Variants in GSPT1 observed in about 807,000 individuals in gnomAD.
GSPT1 encodes the protein G1 to S phase transition 1.
GSPT1 carries 20 observed loss-of-function variants against 72.5 expected under a neutral mutation model. The ratio of observed to expected loss-of-function variants is 0.28; its 90% CI spans 0.19 to 0.40. GSPT1 has a LOEUF of 0.40. GSPT1 is among the 10% of genes least tolerant of loss of function. The pLI is 1.00. For synonymous variants in GSPT1, 334 were observed against 293.5 expected, an observed-to-expected ratio of 1.14 and a Z score of -1.41; for missense variants, 580 against 811.9, an observed-to-expected ratio of 0.71 and a Z score of 3.47.
intron 1 of GSPT1, among the ~76,000 whole-genome samples, chr16:11,905,037 C>T (rs2054471600): frequency 6.6e-6 from 1 of 152,230 alleles, no homozygotes; most frequent in African/African-American, 2.4e-5. Flanking sequence ...CACTGCACTC[C>T]AGCCTGGGTG....
Position 11,877,878 on chromosome 16 carries a change from C to A in GSPT1, c.1429-298G>T, listed in dbSNP as rs569892933. On this transcript the variant is annotated intron_variant, in intron 11 of 14. Coordinates refer to ENST00000434724, the MANE Select transcript of GSPT1 (RefSeq NM_002094.4). The surrounding 1 kb of genome is among the most constrained non-coding windows in gnomAD (Gnocchi z 4.0). ...TTTTACCTTTTCAAAATCGAAAACA[C>A]AATTTAATATTTGGATTTCAGTTTT... Among the ~76,000 whole-genome samples, 3 of 152,218 alleles carry A rather than the reference C, an allele frequency of 2.0e-5. No homozygotes were observed. Among genetic ancestry groups the A allele is most frequent in the Non-Finnish European group, 4.4e-5 (3 of 68,032 alleles).
chr16:11,914,274 A>T (rs1056528590), intron 1 of GSPT1, among the ~76,000 whole-genome samples: 2 of 152,176 alleles, frequency 1.3e-5, no homozygotes, highest in African/African-American at 2.4e-5. Context: ...ATTCCCACAA[A>T]ATCAGTACCT....
chr16:11,915,424 TG>T lies in GSPT1; in HGVS notation c.296del (p.Pro99GlnfsTer48). 3.3e-6 allele frequency: 5 copies of T among 1,507,412 alleles called. No individual in the cohort carries two copies. The highest frequency in any genetic ancestry group is 2.1e-5 in the Admixed American group (1 of 46,556). The allele number at this position is 1,507,412 out of a possible 1,614,324, so 93.4% of individuals were successfully genotyped here. A position where few individuals can be genotyped will look rare whatever the true frequency, so the allele number is the denominator to read the frequency against. ...CGTGGTTATTGGCGGCGCCGCCAAC[TG>T]GGGGTGGCGGCGCTGCCGGGCCCCG... Reference protein sequence around the residue: ...FLRGPAAPPPPVGGAANNHGA... With the variant: ...FLRGPAAPPPXVGGAANNHGA... On this transcript the variant is annotated frameshift_variant, in exon 1 of 15. Transcript: ENST00000434724. LOFTEE classifies it high-confidence loss of function.
intron 1 of GSPT1, among the ~76,000 whole-genome samples, chr16:11,913,380 G>A (rs992011566): frequency 6.6e-6 from 1 of 152,204 alleles, no homozygotes; most frequent in Non-Finnish European, 1.5e-5. Flanking sequence ...AAACAAGAAA[G>A]TTGACCATGC....
rs1447068046 is a variant in GSPT1 at position 11,895,120 on chromosome 16, ACC to A, written c.665-135_665-134del. 4.9e-6 allele frequency: 3 copies of A among 613,948 alleles called. No individual in the cohort carries two copies. In the Admixed American group the frequency reaches 8.0e-5, roughly 16 times the overall value. 38.0% of individuals were successfully genotyped at this position (613,948 alleles called of 1,614,324 possible). ...TTTGGGGCATAAATCCTAGTTCATT[ACC>A]CTTCTCCTTTTGAAAATGAGCCTCA... On this transcript the variant is annotated intron_variant, in intron 4 of 14. Coordinates refer to ENST00000434724, the MANE Select transcript of GSPT1 (RefSeq NM_002094.4).
At chr16:11,900,393 C>A (rs1246456308) in intron 1 of GSPT1, among the ~76,000 whole-genome samples, 1 of 151,012 alleles carries the variant, frequency 6.6e-6, no homozygotes, top group Non-Finnish European at 1.5e-5. Flanking sequence ...TATTATGGGC[C>A]AGACAAGGAT....
At chr16:11,876,028 G>T in intron 13 of GSPT1, 58 bp downstream of exon 13, 1 of 1,455,780 alleles carries the variant, frequency 6.9e-7, no homozygotes, top group Non-Finnish European at 9.6e-7. Flanking sequence ...TTGCTGATTA[G>T]AAATTATGAA....
Position 11,886,544 on chromosome 16 carries a change from T to C in GSPT1, c.1180A>G (p.Ile394Val). 6.2e-7 allele frequency: 1 copy of C among 1,612,998 alleles called. No individual in the cohort carries two copies. The highest frequency in any genetic ancestry group is 8.5e-7 in the Non-Finnish European group (1 of 1,178,992). The change falls in exon 9 of 15, where the codon ATT becomes GTT. Residue 394 changes from isoleucine to valine, a missense_variant. Physicochemically the swap from Ile to Val is conservative, Grantham distance 29. Around this residue, in one of 6 missense-constraint regions of GSPT1, gnomAD observed 34 missense variants for 62.0 expected, o/e 0.55. Coordinates refer to ENST00000434724, the MANE Select transcript of GSPT1 (RefSeq NM_002094.4). ...KKVGFNPKKDIHFMPCSGLTG... is the reference protein window; with the variant it reads ...KKVGFNPKKDVHFMPCSGLTG... ...AGTCCTGAGCAGGGCATAAAGTGAATGTCCTTTTTGGGATTGAAGCCAACT... is the reference window on the plus strand; with the variant it reads ...AGTCCTGAGCAGGGCATAAAGTGAACGTCCTTTTTGGGATTGAAGCCAACT...
chr16:11,881,147 C>T (rs1379358455), intron 11 of GSPT1: 1 of 152,376 alleles, frequency 6.6e-6, no homozygotes, highest in African/African-American at 2.4e-5. Context: ...ATCCACCCAC[C>T]TTGGCCTCCC....
intron 6 of GSPT1, among the ~76,000 whole-genome samples, chr16:11,888,759 T>A (rs1053964345): frequency 4.6e-5 from 7 of 152,124 alleles, no homozygotes; most frequent in Non-Finnish European, 8.8e-5. Context: ...AGACTCCGTC[T>A]CAAAAAAATA....
chr16:11,915,596 C>A lies in GSPT1; in HGVS notation c.125G>T (p.Gly42Val). ...CAGGGAGCCGCCGCCGCCGCAAGGG[C>A]CCGGCCCGGGGGCTTCCATGTCCGC... The part of the protein sequence containing the change: ...DQADMEAPGP[G>V]PCGGGGSLAA... Residue 42 changes from glycine to valine, a missense_variant, in exon 1 of 15, where the codon GGC becomes GTC. Gly to Val is a moderately radical substitution (Grantham distance 109). Around this residue, in one of 6 missense-constraint regions of GSPT1, gnomAD observed 327 missense variants for 298.8 expected, o/e 1.09. Transcript: ENST00000434724. 6.7e-7 allele frequency: 1 copy of A among 1,489,594 alleles called. No homozygotes were observed. 92.3% of individuals were successfully genotyped at this position (1,489,594 alleles called of 1,614,324 possible).
chr16:11,912,363 C>CA (rs1383932121), intron 1 of GSPT1, among the ~76,000 whole-genome samples: 1 of 129,716 alleles, frequency 7.7e-6, no homozygotes, highest in African/African-American at 2.8e-5. Context: ...AAAAAAAAAA[C>CA]AAAAAAAAAA....
In GSPT1 at chr16:11,911,852, G is replaced by A. The variant is rs1310697461; in HGVS notation, c.352+3517C>T. ...CAGGCATGAGCCACTGCACCCAGCT[G>A]TATTTTTTTTTTTTTTTTTTTTTTT... On this transcript the variant is annotated intron_variant, in intron 1 of 14. Coordinates refer to ENST00000434724, the MANE Select transcript of GSPT1 (RefSeq NM_002094.4). 2.2e-4 allele frequency among the ~76,000 whole-genome samples: 13 copies of A among 60,410 alleles called. No individual in the cohort carries two copies. In the Admixed American group the frequency reaches 3.2e-3, roughly 15 times the overall value. The allele number at this position is 60,410 out of a possible 152,430, so 39.6% of individuals were successfully genotyped here.
At chr16:11,881,821 G>A (rs2141280496) in intron 11 of GSPT1, 1 of 151,932 alleles carries the variant, frequency 6.6e-6, no homozygotes, top group South Asian at 2.1e-4. Flanking sequence ...ATCACCACAA[G>A]TGGCTAATTT....
chr16:11,880,792 A>T (rs956444740), intron 11 of GSPT1, among the ~76,000 whole-genome samples: 3 of 151,776 alleles, frequency 2.0e-5, no homozygotes, highest in Non-Finnish European at 4.4e-5. Flanking sequence ...GGAGTTCTTC[A>T]TATATTCTAG....
At chr16:11,884,510 A>G (rs147740767) in intron 10 of GSPT1, among the ~76,000 whole-genome samples, 5,246 of 152,344 alleles carry the variant, frequency 0.034, 120 homozygotes, top group Middle Eastern at 0.078. Context: ...CTGTAAGCCC[A>G]GCACTTTGGG....
chr16:11,890,704 T>C (rs2054247772), intron 6 of GSPT1: 1 of 165,210 alleles, frequency 6.1e-6, no homozygotes, highest in African/African-American at 2.4e-5. Context: ...ATATCTTAAG[T>C]ACAGGGATGT....
At position 11,889,771 on chromosome 16, in the gene GSPT1, G is replaced by A. The variant is rs369646476; in HGVS notation, c.776+1291C>T. 1.5e-4 allele frequency among the ~76,000 whole-genome samples: 23 copies of A among 151,694 alleles called. No homozygotes were observed. The East Asian group carries it at 2.2e-3, about 14-fold the overall frequency. ...TCCGCCTGCCTCGGCCTCCCAAAGC[G>A]CTGGGATTACAGGCGTGAGACACTG... On this transcript the variant is annotated intron_variant, in intron 6 of 14. Coordinates refer to ENST00000434724, the MANE Select transcript of GSPT1 (RefSeq NM_002094.4).
Position 11,896,771 on chromosome 16 carries a change from T to C in GSPT1, c.451A>G (p.Thr151Ala). 6.3e-7 allele frequency: 1 copy of C among 1,578,446 alleles called. No homozygotes were observed. The highest frequency in any genetic ancestry group is 2.3e-5 in the East Asian group (1 of 43,948). The stretch of plus-strand genomic sequence containing the variant: ...CATGATTCTTCTGGAGACATTTCTG[T>C]CTCTCCATTTTCTACTGAAGAAAGA... ...LSEPIVENGETEMSPEESWEH... is the reference protein window; with the variant it reads ...LSEPIVENGEAEMSPEESWEH... The change falls in exon 4 of 15, where the codon ACA becomes GCA. Residue 151 changes from threonine (T) to alanine (A), a missense_variant. Transcript: ENST00000434724.
Sources: allele counts gnomAD v4.1 joint callset (sites outside exome capture counted in the v4.1 genomes callset), GRCh38; gene constraint gnomAD v4.1.1; regional missense constraint gnomAD v4.1.1; non-coding constraint Gnocchi (gnomAD v3.1); transcripts MANE v1.5; gene names NCBI Gene and HGNC (gene_info 2026-07-23, HGNC 2026-07-21).